DNAI1: variants seen among roughly 807,000 people sequenced by gnomAD.
The protein encoded by DNAI1 is dynein axonemal intermediate chain 1, also known as dynein, axonemal, intermediate polypeptide 1.
A neutral mutation model predicts 92.0 loss-of-function variants in DNAI1; 67 were observed. That is an observed-to-expected ratio of 0.73 (90% CI 0.60 to 0.89). The LOEUF (loss-of-function observed/expected upper bound fraction) is 0.89. Ranked by LOEUF, DNAI1 falls within the 40% of genes least tolerant of loss-of-function variation. The pLI is 0.00. For synonymous variants in DNAI1, 323 were observed against 319.6 expected (o/e 1.01, Z -0.11); for missense variants, 839 against 866.6 (o/e 0.97, Z 0.40).
rs1271867592 is a variant in DNAI1 at position 34,492,493 on chromosome 9, G to GAGATATATATATATATAT, written c.682-700_682-699insGATATATATATATATATA. On this transcript the variant is annotated intron_variant, in intron 8 of 19. Coordinates refer to ENST00000242317, the MANE Select transcript of DNAI1 (RefSeq NM_012144.4). ...TCCGGGGTGGGGGTGGGGATATGAA[G>GAGATATATATATATATAT]ATATATATATATATATATATATATA... 1.8e-3 allele frequency among the ~76,000 whole-genome samples: 124 copies of GAGATATATATATATATAT among 68,256 alleles called. 12 individuals carry two copies. Among genetic ancestry groups the GAGATATATATATATATAT allele is most frequent in the South Asian group, 3.2e-3 (7 of 2,220 alleles). 44.8% of individuals were successfully genotyped at this position (68,256 alleles called of 152,430 possible).
intron 2 of DNAI1, 129 bp downstream of exon 2, chr9:34,483,609 C>T: frequency 1.2e-6 from 1 of 827,508 alleles, no homozygotes; most frequent in Non-Finnish European, 1.9e-6. Flanking sequence ...ACCCTTAAAC[C>T]TACCACCTTA....
At chr9:34,484,245 A>G (rs1381353642) in intron 2 of DNAI1, among the ~76,000 whole-genome samples, 1 of 152,140 alleles carries the variant, frequency 6.6e-6, no homozygotes. Context: ...ATAAAAATAA[A>G]TGTTTTCTTT....
intron 13 of DNAI1, among the ~76,000 whole-genome samples, chr9:34,511,618 T>A (rs1292712339): frequency 6.6e-6 from 1 of 152,236 alleles, no homozygotes; most frequent in African/African-American, 2.4e-5. Context: ...ATACTTCATA[T>A]GTGCAATGTT....
chr9:34,474,593 G>C (rs1243345210), intron 1 of DNAI1, among the ~76,000 whole-genome samples: 1 of 113,532 alleles, frequency 8.8e-6, no homozygotes, highest in Non-Finnish European at 1.7e-5. Flanking sequence ...TTTTGAGACA[G>C]AGTCTCCCTC....
intron 4 of DNAI1, 50 bp from the exon 5 acceptor site, chr9:34,489,273 C>T (rs1198495721): frequency 1.2e-6 from 2 of 1,608,960 alleles, no homozygotes; most frequent in Non-Finnish European, 1.7e-6. Context: ...TACATTTTGA[C>T]TCCAGCTCTT....
intron 13 of DNAI1, among the ~76,000 whole-genome samples, chr9:34,508,630 C>T (rs955043288): frequency 3.3e-5 from 5 of 152,160 alleles, no homozygotes; most frequent in African/African-American, 4.8e-5. Flanking sequence ...CAGAGCATCT[C>T]TGGTTGGCCT....
At position 34,500,734 on chromosome 9, in the gene DNAI1, A is replaced by G. The variant is rs201653559; in HGVS notation, c.914A>G (p.Tyr305Cys). 3.7e-6 allele frequency: 6 copies of G among 1,613,544 alleles called. No homozygotes were observed. Among genetic ancestry groups the G allele is most frequent in the East Asian group, 4.5e-5 (2 of 44,872 alleles). Residue 305 changes from tyrosine to cysteine, a missense_variant, in exon 11 of 20, where the codon TAT becomes TGT. Coordinates refer to ENST00000242317, the MANE Select transcript of DNAI1 (RefSeq NM_012144.4). ...YDDIAQDFKY[Y>C]DDAADEYRDQ... ...GTGTGTGTTTAAGATTTTAAGTACT[A>G]TGACGATGCTGCTGATGAATACCGG...
At chr9:34,498,414 C>T (rs1824766361) in intron 10 of DNAI1, among the ~76,000 whole-genome samples, 1 of 152,234 alleles carries the variant, frequency 6.6e-6, no homozygotes, top group Non-Finnish European at 1.5e-5. Context: ...CGAACACAGG[C>T]CCCTTGGATC....
At chr9:34,464,362 T>TGGGTCTCTATAC (rs1180954717) in intron 1 of DNAI1, among the ~76,000 whole-genome samples, 1 of 152,206 alleles carries the variant, frequency 6.6e-6, no homozygotes, top group African/African-American at 2.4e-5. Context: ...GAGACCTACC[T>TGGGTCTCTATAC]GGGTCTCTAT....
chr9:34,513,596 G>A lies in DNAI1; in HGVS notation c.1569+405G>A, dbSNP rs564317896. ...CCCAGCCAGCAGGATGGAACCTCAC[G>A]GTCAGTTTCTACAAGGTCTCAGTGG... is the stretch of plus-strand genomic sequence containing the variant. On this transcript the variant is annotated intron_variant, in intron 16 of 19. Coordinates refer to ENST00000242317, the MANE Select transcript of DNAI1 (RefSeq NM_012144.4). Among the ~76,000 whole-genome samples, 11 of 152,272 alleles carry A rather than the reference G, an allele frequency of 7.2e-5. No individual in the cohort carries two copies. The South Asian group carries it at 1.2e-3, about 17-fold the overall frequency.
At chr9:34,459,090 C>A (rs1564023969) in intron 1 of DNAI1, 37 bp downstream of exon 1, 2 of 1,593,968 alleles carry the variant, frequency 1.3e-6, no homozygotes, top group South Asian at 2.2e-5. Context: ...TGACCTCTGA[C>A]CTTCGTCGTC....
At chr9:34,513,234 C>T (rs369879958) in intron 16 of DNAI1, 43 bp downstream of exon 16, 1 of 1,491,480 alleles carries the variant, frequency 6.7e-7, no homozygotes, top group Non-Finnish European at 9.4e-7. Context: ...CCGCTTAGAC[C>T]TGAGCACCTG....
At chr9:34,509,030 C>T (rs1270054385) in intron 13 of DNAI1, among the ~76,000 whole-genome samples, 4 of 152,190 alleles carry the variant, frequency 2.6e-5, no homozygotes, top group Non-Finnish European at 5.9e-5. Flanking sequence ...TCAGTAACTC[C>T]TCCCTGTGTG....
At chr9:34,461,464 C>T (rs376359003) in intron 1 of DNAI1, among the ~76,000 whole-genome samples, 12 of 152,192 alleles carry the variant, frequency 7.9e-5, no homozygotes, top group African/African-American at 2.9e-4. Flanking sequence ...TATGCCCCAC[C>T]CCTGGCCTGC....
At chr9:34,514,179 C>A (rs1347608076) in intron 16 of DNAI1, among the ~76,000 whole-genome samples, 1 of 152,180 alleles carries the variant, frequency 6.6e-6, no homozygotes, top group Non-Finnish European at 1.5e-5. Flanking sequence ...CAGGAAGTCT[C>A]CCCTGCCCAT....
chr9:34,495,994 G>T (rs1279664135), intron 9 of DNAI1, among the ~76,000 whole-genome samples: 3 of 152,190 alleles, frequency 2.0e-5, no homozygotes, highest in Non-Finnish European at 2.9e-5. Context: ...TTCCCCAGAA[G>T]TGACTTCATA....
rs1173807775 is a variant in DNAI1 at position 34,506,646 on chromosome 9, C to T, written c.1083C>T (p.Ser361=). 1 of 1,614,190 alleles carries T rather than the reference C, an allele frequency of 6.2e-7. No homozygotes were observed. The highest frequency in any genetic ancestry group is 8.5e-7 in the Non-Finnish European group (1 of 1,180,046). ...GYGSYDFMKQ[S]RGMLLLYSLK... ...GGGTAGATGACTTCATGAAGCAGAG[C>T]CGGGGCATGCTGCTGCTCTACAGCC... The change falls in exon 13 of 20, where the codon AGC becomes AGT. Residue 361 remains serine (S), a synonymous_variant. Transcript: ENST00000242317.
chr9:34,501,306 C>A, intron 12 of DNAI1, 125 bp downstream of exon 12: 1 of 831,582 alleles, frequency 1.2e-6, no homozygotes, highest in Non-Finnish European at 2.1e-6. Context: ...GGCTCACAGT[C>A]TAATGGGGAA....
At chr9:34,501,672 G>A (rs1310967214) in intron 12 of DNAI1, among the ~76,000 whole-genome samples, 3 of 152,146 alleles carry the variant, frequency 2.0e-5, no homozygotes, top group East Asian at 1.9e-4. Flanking sequence ...AGACTGATGC[G>A]GGCATCCCAA....
Sources: allele counts gnomAD v4.1 joint callset (sites outside exome capture counted in the v4.1 genomes callset), GRCh38; gene constraint gnomAD v4.1.1; transcripts MANE v1.5; gene names NCBI Gene and HGNC (gene_info 2026-07-23, HGNC 2026-07-21).